ZMAT4: variants seen among roughly 807,000 people sequenced by gnomAD.
The protein encoded by ZMAT4 is zinc finger matrin-type protein 4.
Under a neutral mutation model 28.7 loss-of-function variants are expected in ZMAT4, and 17 were observed. That is an observed-to-expected ratio of 0.59 (90% CI 0.41 to 0.89). ZMAT4 has a LOEUF of 0.89. Ranked by LOEUF, ZMAT4 falls within the 40% of genes least tolerant of loss-of-function variation. The probability of loss-of-function intolerance (pLI) is 0.00; values close to 1 mark genes in which losing one functional copy is unlikely to be tolerated. For missense variants in ZMAT4, 240 were observed against 283.8 expected (o/e 0.85, Z 1.11); for synonymous variants, 117 against 109.2 (o/e 1.07, Z -0.44).
chr8:40,554,806 T>C (rs1803478116), intron 6 of ZMAT4, among the ~76,000 whole-genome samples: 2 of 152,194 alleles, frequency 1.3e-5, no homozygotes, highest in Admixed American at 1.3e-4. Flanking sequence ...TTCTATGTGT[T>C]GGTAATATTT....
At chr8:40,878,458 T>C (rs189732190) in intron 1 of ZMAT4, among the ~76,000 whole-genome samples, 221 of 152,346 alleles carry the variant, frequency 1.5e-3, no homozygotes, top group Non-Finnish European at 2.4e-3. Context: ...GTAAAACCAA[T>C]ACATTTAAAA....
chr8:40,587,793 G>A (rs567773339), intron 5 of ZMAT4, among the ~76,000 whole-genome samples: 7 of 152,054 alleles, frequency 4.6e-5, no homozygotes, highest in African/African-American at 1.7e-4. Flanking sequence ...ACATATAAAT[G>A]AATTAAATAG....
At chr8:40,868,183 A>G (rs1220017390) in intron 1 of ZMAT4, among the ~76,000 whole-genome samples, 2 of 152,156 alleles carry the variant, frequency 1.3e-5, no homozygotes, top group Non-Finnish European at 2.9e-5. Flanking sequence ...ATTTACATGG[A>G]AAAAAAGCCA....
At chr8:40,723,863 G>A (rs545843739) in intron 3 of ZMAT4, among the ~76,000 whole-genome samples, 2 of 152,204 alleles carry the variant, frequency 1.3e-5, no homozygotes, top group East Asian at 1.9e-4. Flanking sequence ...CCCCTGTGTG[G>A]GTAGTGAGAG....
chr8:40,825,423 T>A, intron 2 of ZMAT4, 152 bp downstream of exon 2: 1 of 609,792 alleles, frequency 1.6e-6, no homozygotes, highest in South Asian at 2.0e-5. Context: ...CATATACACT[T>A]GTCCTGGCCT....
At chr8:40,610,293 AAG>A (rs1236371312) in intron 5 of ZMAT4, among the ~76,000 whole-genome samples, 3 of 152,114 alleles carry the variant, frequency 2.0e-5, no homozygotes, top group African/African-American at 7.2e-5. Context: ...TGTATGCACA[AAG>A]AACACCTGGG....
rs531505134 is a variant in ZMAT4 at position 40,801,145 on chromosome 8, G to A, written c.102+24430C>T. Among the ~76,000 whole-genome samples, 289 of 151,460 alleles carry A rather than the reference G, an allele frequency of 1.9e-3. 2 individuals are homozygous for A. The highest frequency in any genetic ancestry group is 6.5e-3 in the South Asian group (31 of 4,798). On this transcript the variant is annotated intron_variant, in intron 2 of 6. Transcript: ENST00000297737. ...ATGAAATGGGACCAATTTCTTAAAA[G>A]ACACGATCTGACAAAAGTCACACAA... is the stretch of plus-strand genomic sequence containing the variant.
intron 3 of ZMAT4, among the ~76,000 whole-genome samples, chr8:40,715,534 A>C (rs765540836): frequency 6.6e-6 from 1 of 152,206 alleles, no homozygotes; most frequent in Non-Finnish European, 1.5e-5. Context: ...TCCTTTATGA[A>C]TTGTCTAAAC....
chr8:40,595,652 A>G (rs1463281178), intron 5 of ZMAT4, among the ~76,000 whole-genome samples: 1 of 152,224 alleles, frequency 6.6e-6, no homozygotes, highest in East Asian at 1.9e-4. Context: ...CAGAAAAGGT[A>G]CAGTAAAAAT....
chr8:40,605,068 C>T (rs1338606308), intron 5 of ZMAT4, among the ~76,000 whole-genome samples: 1 of 152,068 alleles, frequency 6.6e-6, no homozygotes, highest in African/African-American at 2.4e-5. Context: ...TGGAACTTCT[C>T]TCTTATTTTC....
rs565219478 is a variant in ZMAT4, at chr8:40,645,037, T to C, written c.577+29667A>G. On this transcript the variant is annotated intron_variant, in intron 5 of 6. Coordinates refer to ENST00000297737, the MANE Select transcript of ZMAT4 (RefSeq NM_024645.3). ...AAAAATAGGTGATGAATAAATTTAATATAGTATTCTATATGGGATCCTGAA... is the reference window on the plus strand; with the variant it reads ...AAAAATAGGTGATGAATAAATTTAACATAGTATTCTATATGGGATCCTGAA... 3.3e-5 allele frequency among the ~76,000 whole-genome samples: 5 copies of C among 152,270 alleles called. No individual in the cohort carries two copies. The South Asian group carries it at 1.0e-3, about 32-fold the overall frequency.
intron 5 of ZMAT4, among the ~76,000 whole-genome samples, chr8:40,611,429 C>T (rs984803292): frequency 6.6e-6 from 1 of 152,094 alleles, no homozygotes; most frequent in African/African-American, 2.4e-5. Flanking sequence ...CAAGCTCCGC[C>T]TCCCAGGTTC....
chr8:40,584,652 A>C (rs753187746), intron 5 of ZMAT4, among the ~76,000 whole-genome samples: 1 of 151,860 alleles, frequency 6.6e-6, no homozygotes, highest in Non-Finnish European at 1.5e-5. Flanking sequence ...TTTTTTTTTG[A>C]CATGGAGTCT....
chr8:40,823,057 T>C (rs1375566928), intron 2 of ZMAT4, among the ~76,000 whole-genome samples: 2 of 152,184 alleles, frequency 1.3e-5, no homozygotes, highest in African/African-American at 2.4e-5. Context: ...AATTTTTCAT[T>C]GTTTTCAATG....
At chr8:40,875,697 C>G (rs1818018554) in intron 1 of ZMAT4, among the ~76,000 whole-genome samples, 1 of 152,116 alleles carries the variant, frequency 6.6e-6, no homozygotes, top group African/African-American at 2.4e-5. Context: ...AGCTGAAATG[C>G]AACTGAGGTC....
At chr8:40,744,562 C>A (rs1169950077) in intron 3 of ZMAT4, among the ~76,000 whole-genome samples, 1 of 152,150 alleles carries the variant, frequency 6.6e-6, no homozygotes, top group African/African-American at 2.4e-5. Flanking sequence ...GCCTTCACTC[C>A]ACTTCCAGCA....
intron 6 of ZMAT4, among the ~76,000 whole-genome samples, chr8:40,546,815 G>A (rs1311744128): frequency 1.3e-5 from 2 of 152,152 alleles, no homozygotes; most frequent in African/African-American, 4.8e-5. Flanking sequence ...TGTAGTTTAT[G>A]TGTGGTACAT....
rs183854486 is a variant in ZMAT4, at chr8:40,753,970, G to C, written c.192+13671C>G. ...TGGGAGACCGAGGTGGGCAGAGATA[G>C]AGACCATCCTGGCCAACATGGTGAA... On this transcript the variant is annotated intron_variant, in intron 3 of 6. Coordinates refer to ENST00000297737, the MANE Select transcript of ZMAT4 (RefSeq NM_024645.3). Among the ~76,000 whole-genome samples, 1,308 of 152,252 alleles carry C rather than the reference G, an allele frequency of 8.6e-3. 8 individuals carry two copies. Among genetic ancestry groups the C allele is most frequent in the Admixed American group, 0.015 (224 of 15,290 alleles).
chr8:40,859,734 C>G (rs934799489), intron 1 of ZMAT4, among the ~76,000 whole-genome samples: 1 of 152,026 alleles, frequency 6.6e-6, no homozygotes, highest in Non-Finnish European at 1.5e-5. Flanking sequence ...TGCAGTATAA[C>G]CAAGCTTCTA....
Sources: allele counts gnomAD v4.1 joint callset (sites outside exome capture counted in the v4.1 genomes callset), GRCh38; gene constraint gnomAD v4.1.1; transcripts MANE v1.5; gene names NCBI Gene and HGNC (gene_info 2026-07-23, HGNC 2026-07-21).